Variants in MEF2C observed in about 807,000 individuals in gnomAD.
MEF2C encodes myocyte enhancer factor 2C.
A neutral mutation model predicts 50.5 loss-of-function variants in MEF2C; 6 were observed. The observed-to-expected ratio is 0.12, with a 90% confidence interval of 0.07 to 0.23. MEF2C has a LOEUF of 0.23. Ranked by LOEUF, MEF2C falls within the 10% of genes least tolerant of loss-of-function variation. The pLI is 1.00. For synonymous variants in MEF2C, 183 were observed against 228.0 expected (o/e 0.80, Z 1.78); for missense variants, 276 against 605.0 (o/e 0.46, Z 5.70).
intron 3 of MEF2C, among the ~76,000 whole-genome samples, chr5:88,768,996 A>T (rs371736181): frequency 2.0e-5 from 3 of 152,310 alleles, no homozygotes; most frequent in East Asian, 3.9e-4. Context: ...CAGTCAGTGA[A>T]ATCTTTTAAT....
intron 3 of MEF2C, among the ~76,000 whole-genome samples, chr5:88,784,312 T>G (rs541233449): frequency 2.8e-4 from 43 of 152,314 alleles, no homozygotes; most frequent in Admixed American, 2.7e-3. Flanking sequence ...TGGATGCAAA[T>G]TTTATAGCAA....
chr5:88,795,038 TG>T (rs1330848284), intron 3 of MEF2C, among the ~76,000 whole-genome samples: 1 of 152,226 alleles, frequency 6.6e-6, no homozygotes, highest in Non-Finnish European at 1.5e-5. Flanking sequence ...CTGTTTTGGT[TG>T]CTTTAGCCTT....
chr5:88,758,957 G>A lies in MEF2C; in HGVS notation c.402+2228C>T, dbSNP rs370002089. Among the ~76,000 whole-genome samples the A allele has an allele frequency of 6.6e-5, 10 of 152,318 alleles. No individual in the cohort carries two copies. In the East Asian group the frequency reaches 9.6e-4, roughly 15 times the overall value. On this transcript the variant is annotated intron_variant, in intron 4 of 10. Coordinates refer to ENST00000504921, the MANE Select transcript of MEF2C (RefSeq NM_002397.5). ...TAAAGTATGAGAAACAAGATCCAATGTGCATTCTTCCAGAACTTTAGGGGT... is the reference window on the plus strand; with the variant it reads ...TAAAGTATGAGAAACAAGATCCAATATGCATTCTTCCAGAACTTTAGGGGT...
Position 88,822,802 on chromosome 5 carries a change from T to C in MEF2C, c.54+933A>G, listed in dbSNP as rs376309943. Among the ~76,000 whole-genome samples, 16 of 152,054 alleles carry C rather than the reference T, an allele frequency of 1.1e-4. No homozygotes were observed. The East Asian group carries it at 3.1e-3, about 30-fold the overall frequency. On this transcript the variant is annotated intron_variant, in intron 2 of 10. Transcript: ENST00000504921. Reference sequence around the variant, plus strand: ...AGCCTTCTTCAGTGTAACCGAAAAGTAGGCAAAACACTCTTCTCTTCCACA... The same window carrying C: ...AGCCTTCTTCAGTGTAACCGAAAAGCAGGCAAAACACTCTTCTCTTCCACA...
At chr5:88,885,142 T>C (rs553908933), upstream of MEF2C, among the ~76,000 whole-genome samples, 3 of 152,342 alleles carry the variant, frequency 2.0e-5, no homozygotes, top group African/African-American at 4.8e-5. Context: ...CAATGACTAG[T>C]TGTATTTCCT....
intron 1 of MEF2C, among the ~76,000 whole-genome samples, chr5:88,890,058 C>A (rs1291053098): frequency 6.6e-6 from 1 of 152,096 alleles, no homozygotes; most frequent in East Asian, 1.9e-4. Flanking sequence ...ACCTGACAGA[C>A]CAATAGGAAA....
chr5:88,770,005 A>G lies in MEF2C; in HGVS notation c.259-8677T>C, dbSNP rs186355804. The G allele has an allele frequency of 1.9e-4, 190 of 985,376 alleles. 1 individual carries two copies. The highest frequency in any genetic ancestry group is 2.4e-5 in the Non-Finnish European group (20 of 829,860). 61.0% of individuals were successfully genotyped at this position (985,376 alleles called of 1,614,324 possible). On this transcript the variant is annotated intron_variant, in intron 3 of 10. Coordinates refer to ENST00000504921, the MANE Select transcript of MEF2C (RefSeq NM_002397.5). ...AGAAAGGCTGGAATGCAAAGAATCA[A>G]GTTGTAGGTTGTTTTGAAGAATGGG...
chr5:88,865,807 TA>T (rs1827114903), intron 1 of MEF2C, among the ~76,000 whole-genome samples: 1 of 152,194 alleles, frequency 6.6e-6, no homozygotes, highest in South Asian at 2.1e-4. Context: ...GTGGGCATCG[TA>T]AGTGACAGGA....
chr5:88,738,013 G>C lies in MEF2C; in HGVS notation c.638-6112C>G, dbSNP rs149251646. On this transcript the variant is annotated intron_variant, in intron 6 of 10. Coordinates refer to ENST00000504921, the MANE Select transcript of MEF2C (RefSeq NM_002397.5). Reference sequence around the variant, plus strand: ...AAGCTAGTTAGAACGCCTTGCTCTAGAATACATGAGAAATGATGTCTGAAT... The same window carrying C: ...AAGCTAGTTAGAACGCCTTGCTCTACAATACATGAGAAATGATGTCTGAAT... 3.0e-6 allele frequency: 3 copies of C among 985,332 alleles called. No homozygotes were observed. In the African/African-American group the frequency reaches 5.2e-5, roughly 17 times the overall value. The allele number at this position is 985,332 out of a possible 1,614,324, so 61.0% of individuals were successfully genotyped here.
intron 1 of MEF2C, among the ~76,000 whole-genome samples, chr5:88,832,853 T>C (rs185692541): frequency 3.1e-4 from 47 of 152,288 alleles, no homozygotes; most frequent in African/African-American, 1.0e-3. Flanking sequence ...TGGCTATCAC[T>C]GATCATCTGC....
At chr5:88,757,089 C>T (rs147457881) in intron 4 of MEF2C, among the ~76,000 whole-genome samples, 1 of 152,156 alleles carries the variant, frequency 6.6e-6, no homozygotes, top group Non-Finnish European at 1.5e-5. Flanking sequence ...CCCATGAAGC[C>T]GGTCCCAGCT....
intron 1 of MEF2C, among the ~76,000 whole-genome samples, chr5:88,858,379 T>C (rs973659665): frequency 6.6e-6 from 1 of 152,192 alleles, no homozygotes; most frequent in African/African-American, 2.4e-5. Context: ...TCCATAGAGA[T>C]TGGAATAAAG....
chr5:88,879,003 G>A (rs1486036482), intron 1 of MEF2C, among the ~76,000 whole-genome samples: 4 of 152,104 alleles, frequency 2.6e-5, no homozygotes, highest in South Asian at 2.1e-4. Flanking sequence ...ACCTGCAAGT[G>A]CGTGCCACAA....
Position 88,760,860 on chromosome 5 carries a change from C to A in MEF2C, c.402+325G>T, listed in dbSNP as rs771277144. On this transcript the variant is annotated intron_variant, in intron 4 of 10. Coordinates refer to ENST00000504921, the MANE Select transcript of MEF2C (RefSeq NM_002397.5). ...GGGTTTGCTTTCTAAATGAGCTGCC[C>A]GTGGGATGAGATGGCTATTTATCTG... 12 of 1,019,642 alleles carry A rather than the reference C, an allele frequency of 1.2e-5. 1 individual carries two copies. Among genetic ancestry groups the A allele is most frequent in the South Asian group, 3.6e-5 (2 of 56,168 alleles). 63.2% of individuals were successfully genotyped at this position (1,019,642 alleles called of 1,614,324 possible).
At chr5:88,780,212 T>C (rs1210627043) in intron 3 of MEF2C, among the ~76,000 whole-genome samples, 1 of 151,960 alleles carries the variant, frequency 6.6e-6, no homozygotes, top group East Asian at 1.9e-4. Context: ...ATAAATAAAA[T>C]CTCTTGTATT....
intron 3 of MEF2C, among the ~76,000 whole-genome samples, chr5:88,769,686 C>A (rs776121088): frequency 2.0e-5 from 3 of 152,144 alleles, no homozygotes; most frequent in Admixed American, 6.5e-5. Flanking sequence ...GCTCTGTCAC[C>A]CAGGCTGGAG....
intron 1 of MEF2C, among the ~76,000 whole-genome samples, chr5:88,868,074 C>A (rs1292534604): frequency 6.6e-6 from 1 of 152,110 alleles, no homozygotes; most frequent in African/African-American, 2.4e-5. Flanking sequence ...AGGGTGGTAC[C>A]CCCTGTGTTG....
chr5:88,745,394 C>A (rs1272274324), intron 6 of MEF2C, among the ~76,000 whole-genome samples: 1 of 152,222 alleles, frequency 6.6e-6, no homozygotes, highest in Non-Finnish European at 1.5e-5. Flanking sequence ...GAACTGAATT[C>A]TGTGGGATGA....
intron 2 of MEF2C, among the ~76,000 whole-genome samples, chr5:88,813,447 C>CCCCT (rs1371829051): frequency 6.6e-6 from 1 of 151,780 alleles, no homozygotes; most frequent in African/African-American, 2.4e-5. Flanking sequence ...ACACGCCTGC[C>CCCCT]CCCTCCCTCA....
Sources: gnomAD v4.1 joint callset for allele counts (sites outside exome capture counted in the v4.1 genomes callset) on GRCh38, gnomAD v4.1.1 for gene constraint, MANE v1.5 for transcripts, NCBI Gene and HGNC (gene_info 2026-07-23, HGNC 2026-07-21) for gene names.